Variants in TGFB1I1 observed in about 807,000 individuals in gnomAD.
TGFB1I1 encodes the protein transforming growth factor beta-1-induced transcript 1 protein.
TGFB1I1 carries 33 observed loss-of-function variants against 52.0 expected under a neutral mutation model. The observed-to-expected ratio is 0.63, with a 90% CI of 0.48 to 0.85. The LOEUF (loss-of-function observed/expected upper bound fraction) is 0.85. TGFB1I1 is among the 40% of genes least tolerant of loss of function. The pLI is 0.00. For synonymous variants in TGFB1I1, 236 were observed against 253.3 expected (o/e 0.93, Z 0.65); for missense variants, 577 against 614.9 (o/e 0.94, Z 0.65).
Position 31,477,429 on chromosome 16 carries a change from C to A in TGFB1I1, c.1239C>A (p.Thr413=), listed in dbSNP as rs1379923227. ...SLCATCGLPV[T]GRCVSALGRR... ...GCGCCACGTGTGGCCTCCCTGTGAC[C>A]GGCCGCTGCGTGTCGGCCCTGGGTC... Residue 413 remains threonine (T), a synonymous_variant, in exon 11 of 11, where the codon ACC becomes ACA. Transcript: ENST00000394863. This position sits in a 1 kb window ranked among gnomAD's most constrained non-coding sequence, Gnocchi z 4.7. 3.1e-6 allele frequency: 5 copies of A among 1,602,110 alleles called. No individual in the cohort carries two copies. Among genetic ancestry groups the A allele is most frequent in the Admixed American group, 1.7e-5 (1 of 58,784 alleles).
chr16:31,476,229 G>C lies in TGFB1I1; in HGVS notation c.888+44G>C. 1 of 1,591,134 alleles carries C rather than the reference G, an allele frequency of 6.3e-7. No homozygotes were observed. Among genetic ancestry groups the C allele is most frequent in the Non-Finnish European group, 8.6e-7 (1 of 1,169,370 alleles). On this transcript the variant is annotated intron_variant, in intron 8 of 10. Transcript: ENST00000394863. This position sits in a 1 kb window ranked among gnomAD's most constrained non-coding sequence, Gnocchi z 7.6. ...CACCGAGCCCGCCCTATCTCACCAG[G>C]AGAGCTGTGGGACGGGCCTCCACCG...
Position 31,476,808 on chromosome 16 carries a change from T to TCC in TGFB1I1, c.971-50_971-49dup, listed in dbSNP as rs2142599103. On this transcript the variant is annotated intron_variant, in intron 9 of 10. Coordinates refer to ENST00000394863, the MANE Select transcript of TGFB1I1 (RefSeq NM_001042454.3). The surrounding 1 kb of genome is among the most constrained non-coding windows in gnomAD (Gnocchi z 7.6). ...GGCCCCAGATCTCAGGTCTTGTGGG[T>TCC]CCCCCGTCCCGCCCGCACCCTTTGC... 6.2e-7 allele frequency: 1 copy of TCC among 1,604,584 alleles called. No individual in the cohort carries two copies. The highest frequency in any genetic ancestry group is 1.1e-5 in the South Asian group (1 of 89,814).
rs1567382956 is a variant in TGFB1I1, at chr16:31,474,706, C to T, written c.663C>T (p.Pro221=). The change falls in exon 7 of 11, where the codon CCC becomes CCT. Residue 221 remains proline, a synonymous_variant. Transcript: ENST00000394863. This position sits in a 1 kb window ranked among gnomAD's most constrained non-coding sequence, Gnocchi z 4.2. ...CCGACCTCAGCCGCCGGGGTGTTCCCACCCAGGCCAAAGGCCTCTGTGGCT... is the reference window on the plus strand; with the variant it reads ...CCGACCTCAGCCGCCGGGGTGTTCCTACCCAGGCCAAAGGCCTCTGTGGCT... ...LQSDLSRRGV[P]TQAKGLCGSC... 6.2e-7 allele frequency: 1 copy of T among 1,612,708 alleles called. No homozygotes were observed. The highest frequency in any genetic ancestry group is 1.7e-5 in the Admixed American group (1 of 59,844).
rs574630214 is a variant in TGFB1I1, at chr16:31,474,006, T to A, written c.325+29T>A. On this transcript the variant is annotated intron_variant, in intron 4 of 10. Transcript: ENST00000394863. The surrounding 1 kb of genome is among the most constrained non-coding windows in gnomAD (Gnocchi z 4.2). Reference sequence around the variant, plus strand: ...CCAGGGTGACTGAGAGAGGCCTTGATGCGATAGGGGCAGGGGAGGGAAGGG... The same window carrying A: ...CCAGGGTGACTGAGAGAGGCCTTGAAGCGATAGGGGCAGGGGAGGGAAGGG... The A allele has an allele frequency of 6.2e-7, 1 of 1,605,270 alleles. No homozygotes were observed. Among genetic ancestry groups the A allele is most frequent in the South Asian group, 1.1e-5 (1 of 90,860 alleles).
At position 31,477,615 on chromosome 16, in the gene TGFB1I1, C is replaced by G; in HGVS notation, c.*39C>G. 6.4e-7 allele frequency: 1 copy of G among 1,551,946 alleles called. No individual in the cohort carries two copies. Among genetic ancestry groups the G allele is most frequent in the Non-Finnish European group, 8.7e-7 (1 of 1,152,968 alleles). On this transcript the variant is annotated 3_prime_UTR_variant, in exon 11 of 11. Coordinates refer to ENST00000394863, the MANE Select transcript of TGFB1I1 (RefSeq NM_001042454.3). This position sits in a 1 kb window ranked among gnomAD's most constrained non-coding sequence, Gnocchi z 4.7. ...TCGCCCTCTCCCCCGGAGGCCGCGCCCTCCCGGAAAAGCCGGGTCCTCCAG... is the reference window on the plus strand; with the variant it reads ...TCGCCCTCTCCCCCGGAGGCCGCGCGCTCCCGGAAAAGCCGGGTCCTCCAG...
rs746545697 is a variant in TGFB1I1 at position 31,474,619 on chromosome 16, C to T, written c.576C>T (p.Ser192=). 6.2e-7 allele frequency: 1 copy of T among 1,611,222 alleles called. No homozygotes were observed. The highest frequency in any genetic ancestry group is 1.3e-5 in the African/African-American group (1 of 74,862). Reference sequence around the variant, plus strand: ...TGGTGAGCTCCACAAATGAGGGCTCCCCATCCCCACCAGAGCCGACTGGCA... The same window carrying T: ...TGGTGAGCTCCACAAATGAGGGCTCTCCATCCCCACCAGAGCCGACTGGCA... ...PPVVSSTNEG[S]PSPPEPTGKG... The change falls in exon 7 of 11, where the codon TCC becomes TCT. Residue 192 remains serine (S), a synonymous_variant. Coordinates refer to ENST00000394863, the MANE Select transcript of TGFB1I1 (RefSeq NM_001042454.3). The surrounding 1 kb of genome is among the most constrained non-coding windows in gnomAD (Gnocchi z 4.2).
In TGFB1I1 at chr16:31,476,390, G is replaced by T. The variant is rs1264823115; in HGVS notation, c.889-91G>T. On this transcript the variant is annotated intron_variant, in intron 8 of 10. Transcript: ENST00000394863. The surrounding 1 kb of genome is among the most constrained non-coding windows in gnomAD (Gnocchi z 7.6). ...TTAGATCTTCTCCCCCTCCCCCCAC[G>T]CATGCCTTAGTCCAGTCACCCGGGT... 4 of 1,287,710 alleles carry T rather than the reference G, an allele frequency of 3.1e-6. No homozygotes were observed. Among genetic ancestry groups the T allele is most frequent in the Non-Finnish European group, 4.3e-6 (4 of 936,890 alleles). The allele number at this position is 1,287,710 out of a possible 1,614,324, so 79.8% of individuals were successfully genotyped here.
Position 31,476,423 on chromosome 16 carries a change from G to A in TGFB1I1, c.889-58G>A. 1 of 1,541,174 alleles carries A rather than the reference G, an allele frequency of 6.5e-7. No homozygotes were observed. The highest frequency in any genetic ancestry group is 8.9e-7 in the Non-Finnish European group (1 of 1,128,846). ...TAGTCCAGTCACCCGGGTTCCGCGC[G>A]GGAGAGGAAGGCGCGAAGGCACGGA... On this transcript the variant is annotated intron_variant, in intron 8 of 10. Coordinates refer to ENST00000394863, the MANE Select transcript of TGFB1I1 (RefSeq NM_001042454.3). This position sits in a 1 kb window ranked among gnomAD's most constrained non-coding sequence, Gnocchi z 7.6.
intron 7 of TGFB1I1, 61 bp from the exon 8 acceptor site, chr16:31,475,951 T>C: frequency 4.5e-6 from 7 of 1,543,494 alleles, no homozygotes; most frequent in Non-Finnish European, 5.2e-6. Flanking sequence ...CGCGTAAATC[T>C]TGCCTCACTG....
At chr16:31,473,803 C>T in intron 3 of TGFB1I1, 32 bp from the exon 4 acceptor site, 1 of 1,611,042 alleles carries the variant, frequency 6.2e-7, no homozygotes, top group Non-Finnish European at 8.5e-7. Context: ...GATTCCCCAC[C>T]CCTGAACCCA....
At chr16:31,472,336 A>C in intron 1 of TGFB1I1, 135 bp downstream of exon 1, 1 of 1,291,076 alleles carries the variant, frequency 7.7e-7, no homozygotes, top group Non-Finnish European at 9.9e-7. Context: ...CCTCCTTTCC[A>C]ACTCCACGTC....
rs775270233 is a variant in TGFB1I1 at position 31,477,642 on chromosome 16, C to A, written c.*66C>A. ...TCCCGGAAAAGCCGGGTCCTCCAGA[C>A]CCCGAGGCCTTGCTCTCAGAGCGGG... On this transcript the variant is annotated 3_prime_UTR_variant, in exon 11 of 11. Transcript: ENST00000394863. The surrounding 1 kb of genome is among the most constrained non-coding windows in gnomAD (Gnocchi z 4.7). 369 of 1,496,380 alleles carry A rather than the reference C, an allele frequency of 2.5e-4. No homozygotes were observed. The highest frequency in any genetic ancestry group is 1.6e-3 in the Middle Eastern group (8 of 4,852). 92.7% of individuals were successfully genotyped at this position (1,496,380 alleles called of 1,614,324 possible).
intron 1 of TGFB1I1, 34 bp downstream of exon 1, chr16:31,472,235 C>T (rs1269673364): frequency 6.8e-7 from 1 of 1,479,540 alleles, no homozygotes; most frequent in South Asian, 1.3e-5. Flanking sequence ...TCCGTGGCCC[C>T]TCACCGCTGC....
Sources: gnomAD v4.1 joint callset for allele counts on GRCh38, gnomAD v4.1.1 for gene constraint, Gnocchi (gnomAD v3.1) non-coding constraint, MANE v1.5 for transcripts, NCBI Gene and HGNC (gene_info 2026-07-23, HGNC 2026-07-21) for gene names.